Variants in SLC25A48 observed in about 807,000 individuals in gnomAD.
The protein encoded by SLC25A48 is solute carrier family 25 member 48.
In SLC25A48, 29 loss-of-function variants were observed where a neutral mutation model predicts 32.2. The ratio of observed to expected loss-of-function variants is 0.90; its 90% CI spans 0.67 to 1.23. The LOEUF (loss-of-function observed/expected upper bound fraction) is 1.23. Ranked by LOEUF, SLC25A48 falls within the 50% of genes most tolerant of loss-of-function variation. The probability of loss-of-function intolerance (pLI) is 0.00; values close to 1 mark genes in which losing one functional copy is unlikely to be tolerated. For missense variants in SLC25A48, 399 were observed against 422.7 expected (o/e 0.94, Z 0.49); for synonymous variants, 164 against 172.3 (o/e 0.95, Z 0.38).
intron 3 of SLC25A48, among the ~76,000 whole-genome samples, chr5:135,760,934 A>G (rs1207057147): frequency 6.6e-6 from 1 of 152,168 alleles, no homozygotes; most frequent in Non-Finnish European, 1.5e-5. Flanking sequence ...GCAGTCTGCA[A>G]GGTGTAGTAT....
rs188166557 is a variant in SLC25A48 at position 135,618,129 on chromosome 5, A to T, written c.-848-11108A>T. ...GAGTGGATATATATTTAGAATTGCT[A>T]TATCCTCTTACTGAATTTATCCCTT... On this transcript the variant is annotated intron_variant, in intron 1 of 10. Coordinates refer to the SLC25A48 transcript ENST00000646290. Among the ~76,000 whole-genome samples the T allele has an allele frequency of 6.9e-4, 105 of 152,198 alleles. 1 individual carries two copies. The highest frequency in any genetic ancestry group is 2.5e-3 in the African/African-American group (105 of 41,548).
chr5:135,864,890 G>T (rs953360548), intron 4 of SLC25A48, among the ~76,000 whole-genome samples: 2 of 152,194 alleles, frequency 1.3e-5, no homozygotes, highest in African/African-American at 4.8e-5. Flanking sequence ...GCCCCATGTG[G>T]GCAACAGTGA....
In SLC25A48 at chr5:135,888,160, G is replaced by A. The variant is rs1353582529; in HGVS notation, c.*136G>A. ...ATTAGCAAGCGTGGGCTAGGATGGT[G>A]CAGACACTGACGTGGCCCTTCTGAT... On this transcript the variant is annotated 3_prime_UTR_variant, in exon 8 of 8. Coordinates refer to ENST00000681962, the MANE Select transcript of SLC25A48 (RefSeq NM_001349336.2). 7 of 1,438,940 alleles carry A rather than the reference G, an allele frequency of 4.9e-6. No homozygotes were observed. In the Admixed American group the frequency reaches 1.2e-4, roughly 25 times the overall value. The allele number at this position is 1,438,940 out of a possible 1,614,324, so 89.1% of individuals were successfully genotyped here.
chr5:135,750,669 A>G (rs1417648320), intron 3 of SLC25A48, among the ~76,000 whole-genome samples: 1 of 152,076 alleles, frequency 6.6e-6, no homozygotes, highest in East Asian at 1.9e-4. Flanking sequence ...CCTGTATCCA[A>G]TCGGACATCA....
At chr5:135,651,185 G>C (rs911787566) in intron 3 of SLC25A48, among the ~76,000 whole-genome samples, 1 of 152,156 alleles carries the variant, frequency 6.6e-6, no homozygotes, top group Non-Finnish European at 1.5e-5. Flanking sequence ...TAGGTCCTGA[G>C]AGCATGTAGT....
chr5:135,870,254 C>T (rs1223188813), intron 4 of SLC25A48, among the ~76,000 whole-genome samples: 1 of 152,160 alleles, frequency 6.6e-6, no homozygotes, highest in East Asian at 1.9e-4. Context: ...TATTTCTTTC[C>T]TGGTCATGTC....
intron 6 of SLC25A48, among the ~76,000 whole-genome samples, chr5:135,874,400 C>A (rs1231942730): frequency 6.6e-6 from 1 of 152,202 alleles, no homozygotes; most frequent in East Asian, 1.9e-4. Context: ...CTGCCGCAGC[C>A]ACACAGCTGG....
chr5:135,845,716 G>A (rs1180414123), intron 2 of SLC25A48, among the ~76,000 whole-genome samples: 1 of 152,194 alleles, frequency 6.6e-6, no homozygotes, highest in African/African-American at 2.4e-5. Context: ...ATACAGCAAT[G>A]AGCGAGATGA....
chr5:135,740,883 C>CGT (rs1445700664), intron 3 of SLC25A48, among the ~76,000 whole-genome samples: 2 of 152,142 alleles, frequency 1.3e-5, no homozygotes, highest in Non-Finnish European at 2.9e-5. Flanking sequence ...GGATTACAGG[C>CGT]GTGAGCCACT....
At chr5:135,746,478 T>C in intron 3 of SLC25A48, 1 of 234,348 alleles carries the variant, frequency 4.3e-6, no homozygotes, top group Admixed American at 6.2e-5. Context: ...GCTGCCTTTG[T>C]GGTCACCGGA....
intron 1 of SLC25A48, among the ~76,000 whole-genome samples, chr5:135,621,469 A>G (rs1386432846): frequency 6.6e-6 from 1 of 152,198 alleles, no homozygotes; most frequent in Non-Finnish European, 1.5e-5. Flanking sequence ...GAAAAATAAG[A>G]GTTGTAGGAG....
chr5:135,874,580 C>T (rs887545026), intron 6 of SLC25A48: 32 of 619,138 alleles, frequency 5.2e-5, no homozygotes, highest in Non-Finnish European at 8.4e-5. Flanking sequence ...TCAGTCAGCT[C>T]ATCTCACCAG....
chr5:135,707,461 C>T (rs918375741), intron 3 of SLC25A48, among the ~76,000 whole-genome samples: 2 of 152,144 alleles, frequency 1.3e-5, no homozygotes, highest in Admixed American at 1.3e-4. Context: ...CTACTCCCTC[C>T]TGCTTAATGC....
chr5:135,582,074 A>G (rs964766335), intron 1 of SLC25A48, among the ~76,000 whole-genome samples: 2 of 152,230 alleles, frequency 1.3e-5, no homozygotes, highest in Admixed American at 1.3e-4. Flanking sequence ...TGCAGATGTC[A>G]ACACATTCAT....
intron 3 of SLC25A48, among the ~76,000 whole-genome samples, chr5:135,783,563 T>G (rs941908628): frequency 8.5e-6 from 1 of 118,194 alleles, no homozygotes; most frequent in Admixed American, 8.5e-5. Context: ...GTACACCCCC[T>G]GTGTGATTTT....
intron 3 of SLC25A48, among the ~76,000 whole-genome samples, chr5:135,811,262 C>T (rs1174890879): frequency 6.6e-6 from 1 of 152,188 alleles, no homozygotes; most frequent in Non-Finnish European, 1.5e-5. Context: ...GAAATCCTGT[C>T]ATTTGTGACA....
chr5:135,700,344 C>CA (rs1754362289), intron 3 of SLC25A48, among the ~76,000 whole-genome samples: 1 of 114,776 alleles, frequency 8.7e-6, no homozygotes, highest in African/African-American at 3.4e-5. Context: ...TGCACTCTAG[C>CA]CTGGGTGACA....
chr5:135,820,878 A>G (rs1011864898), intron 4 of SLC25A48, among the ~76,000 whole-genome samples: 1 of 152,212 alleles, frequency 6.6e-6, no homozygotes, highest in Admixed American at 6.5e-5. Flanking sequence ...GAGGGCACAG[A>G]GTAGAGAGAT....
chr5:135,839,905 C>T (rs772179638), intron 1 of SLC25A48, among the ~76,000 whole-genome samples: 24 of 152,188 alleles, frequency 1.6e-4, no homozygotes, highest in Non-Finnish European at 2.4e-4. Flanking sequence ...ATGACTTGCT[C>T]CTTCTTCACC....
Sources: gnomAD v4.1 joint callset for allele counts (sites outside exome capture counted in the v4.1 genomes callset) on GRCh38, gnomAD v4.1.1 for gene constraint, MANE v1.5 for transcripts, NCBI Gene and HGNC (gene_info 2026-07-23, HGNC 2026-07-21) for gene names.